PCSK5: variants seen among roughly 807,000 people sequenced by gnomAD.
The protein encoded by PCSK5 is prohormone convertase 5.
In PCSK5, 129 loss-of-function variants were observed where a neutral mutation model predicts 233.2. The ratio of observed to expected loss-of-function variants is 0.55; its 90% CI spans 0.48 to 0.64. The LOEUF (loss-of-function observed/expected upper bound fraction) is 0.64, where lower values mean the gene tolerates loss of function less well. PCSK5 is among the 30% of genes least tolerant of loss of function. PCSK5 has a pLI of 0.00. For missense variants in PCSK5, 2,076 were observed against 2,430.1 expected (o/e 0.85, Z 3.06); for synonymous variants, 825 against 879.2 (o/e 0.94, Z 1.09).
At chr9:75,958,461 T>G (rs1825192511) in intron 2 of PCSK5, among the ~76,000 whole-genome samples, 1 of 152,214 alleles carries the variant, frequency 6.6e-6, no homozygotes, top group Admixed American at 6.5e-5. Context: ...GAAGGAATTC[T>G]GTTTTCTGAG....
intron 5 of PCSK5, among the ~76,000 whole-genome samples, chr9:76,044,567 A>G (rs961421641): frequency 6.6e-6 from 1 of 152,228 alleles, no homozygotes; most frequent in Non-Finnish European, 1.5e-5. Flanking sequence ...TTCTGTGAGC[A>G]TTACAGATCA....
Position 76,179,676 on chromosome 9 carries a change from T to C in PCSK5, c.1981T>C (p.Tyr661His), listed in dbSNP as rs1211807211. Residue 661 changes from tyrosine to histidine, a missense_variant, in exon 15 of 38, where the codon TAC becomes CAC. By Grantham distance (83) the Tyr-to-His change is moderately conservative. Coordinates refer to ENST00000674117, the MANE Select transcript of PCSK5 (RefSeq NM_001372043.1). The stretch of plus-strand genomic sequence containing the variant: ...CTGCAATGACTGTTTGCACTACTAC[T>C]ACAAGCTGAAAAACAATACCAGGTA... ...DHCNDCLHYY[Y>H]KLKNNTRICV... The C allele has an allele frequency of 6.2e-7, 1 of 1,612,488 alleles. No individual in the cohort carries two copies. Among genetic ancestry groups the C allele is most frequent in the South Asian group, 1.1e-5 (1 of 91,072 alleles).
intron 24 of PCSK5, among the ~76,000 whole-genome samples, chr9:76,281,501 C>A (rs890315736): frequency 6.6e-6 from 1 of 151,996 alleles, no homozygotes; most frequent in African/African-American, 2.4e-5. Context: ...ACTGCTCAGA[C>A]AAAAGAGTTT....
intron 24 of PCSK5, among the ~76,000 whole-genome samples, chr9:76,257,207 C>T (rs1587810778): frequency 6.6e-6 from 1 of 152,150 alleles, no homozygotes; most frequent in African/African-American, 2.4e-5. Context: ...TATCTGTCCT[C>T]ATCTCACCCC....
intron 7 of PCSK5, among the ~76,000 whole-genome samples, chr9:76,088,873 G>T (rs1331904222): frequency 6.6e-6 from 1 of 151,466 alleles, no homozygotes; most frequent in Admixed American, 6.6e-5. Flanking sequence ...TTGTGTGAGT[G>T]CTACAAAAAA....
Position 76,312,343 on chromosome 9 carries a change from C to T in PCSK5, c.3884+1492C>T, listed in dbSNP as rs539219454. 1.9e-3 allele frequency among the ~76,000 whole-genome samples: 290 copies of T among 152,134 alleles called. 2 individuals are homozygous for T. Among genetic ancestry groups the T allele is most frequent in the African/African-American group, 6.4e-3 (264 of 41,466 alleles). Reference sequence around the variant, plus strand: ...TGACCAACATGGAGAAACCCCATCTCTACTAAAAATACAAAATTAGCCAGG... The same window carrying T: ...TGACCAACATGGAGAAACCCCATCTTTACTAAAAATACAAAATTAGCCAGG... On this transcript the variant is annotated intron_variant, in intron 30 of 37. Transcript: ENST00000674117.
intron 7 of PCSK5, among the ~76,000 whole-genome samples, chr9:76,080,308 T>C (rs1427624984): frequency 6.6e-6 from 1 of 152,184 alleles, no homozygotes; most frequent in African/African-American, 2.4e-5. Context: ...GTTTTCCCTA[T>C]ATACAATATG....
chr9:76,092,293 A>G (rs771843643), intron 7 of PCSK5, among the ~76,000 whole-genome samples: 4 of 152,242 alleles, frequency 2.6e-5, no homozygotes, highest in Non-Finnish European at 5.9e-5. Flanking sequence ...AGGGTACAAT[A>G]ACCACTAGCC....
intron 9 of PCSK5, among the ~76,000 whole-genome samples, chr9:76,126,173 GTGTGTGTA>G (rs1457995307): frequency 3.2e-5 from 4 of 125,682 alleles, no homozygotes; most frequent in African/African-American, 1.6e-4. Flanking sequence ...TTTCCTGCGT[GTGTGTGTA>G]TGTGTGTGTG....
intron 2 of PCSK5, among the ~76,000 whole-genome samples, chr9:75,942,135 G>A (rs4339707): frequency 0.54 from 82,529 of 151,986 alleles, 22,630 homozygotes; most frequent in Middle Eastern, 0.58. Flanking sequence ...TAGCGCACTC[G>A]TTGCCTGCCC....
At chr9:76,242,613 G>A (rs1826465458) in intron 24 of PCSK5, among the ~76,000 whole-genome samples, 1 of 152,232 alleles carries the variant, frequency 6.6e-6, no homozygotes, top group African/African-American at 2.4e-5. Flanking sequence ...TCTGTCTCAT[G>A]TGAAGTGATA....
chr9:76,312,821 A>ATTGATG (rs1370773602), intron 30 of PCSK5, among the ~76,000 whole-genome samples: 4 of 152,126 alleles, frequency 2.6e-5, no homozygotes, highest in Non-Finnish European at 4.4e-5. Context: ...TGATATTGAT[A>ATTGATG]TTGATGTTGA....
intron 20 of PCSK5, among the ~76,000 whole-genome samples, 196 bp from the exon 21 acceptor site, chr9:76,227,307 G>A (rs1228041781): frequency 6.6e-6 from 1 of 152,086 alleles, no homozygotes; most frequent in African/African-American, 2.4e-5. Context: ...CCAACTTCTG[G>A]AGCCCCCGGG....
intron 16 of PCSK5, among the ~76,000 whole-genome samples, chr9:76,183,213 A>G (rs1587728758): frequency 2.0e-5 from 3 of 152,352 alleles, no homozygotes; most frequent in Middle Eastern, 3.4e-3. Context: ...AAGGTAATTG[A>G]GAGTCCGTTG....
intron 35 of PCSK5, among the ~76,000 whole-genome samples, chr9:76,342,987 C>T (rs1055871627): frequency 2.6e-5 from 4 of 152,134 alleles, no homozygotes; most frequent in African/African-American, 9.7e-5. Context: ...AGTTCAGACT[C>T]ATCATTCATT....
chr9:75,953,829 A>T (rs1490647603), intron 2 of PCSK5, among the ~76,000 whole-genome samples: 4 of 152,144 alleles, frequency 2.6e-5, no homozygotes, highest in South Asian at 2.1e-4. Flanking sequence ...AGAAAAAAAA[A>T]ATATGAGTAT....
intron 1 of PCSK5, among the ~76,000 whole-genome samples, chr9:75,928,312 G>T (rs1232116630): frequency 1.3e-5 from 2 of 151,672 alleles, no homozygotes; most frequent in Admixed American, 6.6e-5. Context: ...CCTTGTTTCA[G>T]TCCTCGCTGC....
intron 1 of PCSK5, among the ~76,000 whole-genome samples, chr9:75,906,549 T>C (rs1213695398): frequency 6.6e-6 from 1 of 152,094 alleles, no homozygotes; most frequent in Non-Finnish European, 1.5e-5. Context: ...TTAAGAAAGC[T>C]CCAACCACAT....
chr9:76,147,490 AAG>A (rs1471580107), intron 10 of PCSK5, among the ~76,000 whole-genome samples: 2 of 152,144 alleles, frequency 1.3e-5, no homozygotes, highest in African/African-American at 2.4e-5. Flanking sequence ...AGTGTTCTCA[AAG>A]TGTGGTCCCC....
Sources: gnomAD v4.1 joint callset for allele counts (sites outside exome capture counted in the v4.1 genomes callset) on GRCh38, gnomAD v4.1.1 for gene constraint, MANE v1.5 for transcripts, NCBI Gene and HGNC (gene_info 2026-07-23, HGNC 2026-07-21) for gene names.